Variants in CSMD1 observed in about 807,000 individuals in gnomAD.
The protein encoded by CSMD1 is CUB and Sushi multiple domains 1.
CSMD1 carries 213 observed loss-of-function variants against 417.5 expected under a neutral mutation model. That is an observed-to-expected ratio of 0.51 (90% CI 0.46 to 0.57). CSMD1 has a LOEUF of 0.57. Among genes scored for constraint, CSMD1 ranks in the 20% least tolerant of loss-of-function variants. CSMD1 has a pLI of 0.00. For missense variants in CSMD1, 6,923 were observed against 4,529.7 expected (o/e 1.53, Z -15.17); for synonymous variants, 2,862 against 1,736.8 (o/e 1.65, Z -16.11).
At chr8:4,801,767 G>GAA (rs112413307) in intron 1 of CSMD1, among the ~76,000 whole-genome samples, 4 of 150,190 alleles carry the variant, frequency 2.7e-5, no homozygotes, top group East Asian at 2.0e-4. Flanking sequence ...GAGGCAAAAA[G>GAA]AAAAAAAAAT....
chr8:3,763,202 G>C (rs933862257), intron 5 of CSMD1, among the ~76,000 whole-genome samples: 1 of 152,192 alleles, frequency 6.6e-6, no homozygotes, highest in Admixed American at 6.5e-5. Context: ...ACATCATAAA[G>C]TAGAAATGAC....
intron 5 of CSMD1, among the ~76,000 whole-genome samples, chr8:3,827,974 T>C (rs1459791311): frequency 2.0e-5 from 3 of 152,214 alleles, no homozygotes. Flanking sequence ...CAAATAGCCA[T>C]CTTAACATAA....
intron 1 of CSMD1, among the ~76,000 whole-genome samples, chr8:4,966,183 G>C (rs1252231234): frequency 1.4e-5 from 2 of 141,730 alleles, no homozygotes; most frequent in African/African-American, 5.5e-5. Context: ...GGCTAACATA[G>C]TGGAAGCCCG....
chr8:4,120,820 T>C (rs184282624), intron 3 of CSMD1, among the ~76,000 whole-genome samples: 25 of 152,270 alleles, frequency 1.6e-4, no homozygotes, highest in Non-Finnish European at 2.4e-4. Flanking sequence ...ATGCCAGAAA[T>C]CACAAAACAA....
chr8:4,081,496 T>G (rs1338605089), intron 3 of CSMD1, among the ~76,000 whole-genome samples: 1 of 152,068 alleles, frequency 6.6e-6, no homozygotes, highest in Non-Finnish European at 1.5e-5. Flanking sequence ...ACAGGGAGGC[T>G]CACATGACAA....
intron 8 of CSMD1, among the ~76,000 whole-genome samples, chr8:3,612,657 T>G (rs996583472): frequency 6.6e-6 from 1 of 151,968 alleles, no homozygotes; most frequent in African/African-American, 2.4e-5. Context: ...GGCAACAAAA[T>G]AGAAAACTTT....
At chr8:3,353,761 G>T (rs547414308) in intron 21 of CSMD1, among the ~76,000 whole-genome samples, 17 of 65,732 alleles carry the variant, frequency 2.6e-4, no homozygotes, top group African/African-American at 5.8e-4. Context: ...TAAGATGAAT[G>T]AACACAGTTT....
chr8:4,769,067 A>C (rs1459186060), intron 1 of CSMD1, among the ~76,000 whole-genome samples: 1 of 152,208 alleles, frequency 6.6e-6, no homozygotes, highest in East Asian at 1.9e-4. Flanking sequence ...TGTGTGAGGC[A>C]AACAGTTAAC....
At chr8:3,589,409 C>T (rs950983221) in intron 8 of CSMD1, among the ~76,000 whole-genome samples, 4 of 149,038 alleles carry the variant, frequency 2.7e-5, no homozygotes, top group Non-Finnish European at 2.9e-5. Flanking sequence ...TGTGTGTTCA[C>T]GCGTGTGTGT....
intron 1 of CSMD1, among the ~76,000 whole-genome samples, chr8:4,978,812 C>T (rs374361343): frequency 2.0e-5 from 3 of 152,132 alleles, no homozygotes; most frequent in Non-Finnish European, 4.4e-5. Context: ...GTGGCAGGTG[C>T]CTGTAATCCC....
intron 2 of CSMD1, among the ~76,000 whole-genome samples, chr8:4,623,741 G>A (rs1189932101): frequency 2.6e-5 from 4 of 151,942 alleles, no homozygotes; most frequent in South Asian, 2.1e-4. Context: ...ATGTGTGTGT[G>A]TATATATATA....
At chr8:4,895,637 T>C (rs528351003) in intron 1 of CSMD1, among the ~76,000 whole-genome samples, 8 of 152,162 alleles carry the variant, frequency 5.3e-5, no homozygotes, top group Admixed American at 3.3e-4. Flanking sequence ...TCTGATGTTG[T>C]GGTTGGTCTG....
Position 4,476,065 on chromosome 8 carries a change from A to AT in CSMD1, c.303-56001dup, listed in dbSNP as rs1360685346. On this transcript the variant is annotated intron_variant, in intron 2 of 69. Transcript: ENST00000635120. ...GAAAATTTCTGGTTAAGACAGTGTG[A>AT]TTTTTTCAATTTAATTATATATATT... Among the ~76,000 whole-genome samples, 9 of 152,018 alleles carry AT rather than the reference A, an allele frequency of 5.9e-5. 1 individual carries two copies. The highest frequency in any genetic ancestry group is 9.6e-5 in the African/African-American group (4 of 41,528).
intron 3 of CSMD1, among the ~76,000 whole-genome samples, chr8:4,414,906 G>A (rs926811662): frequency 6.6e-6 from 1 of 152,090 alleles, no homozygotes. Flanking sequence ...AGTGCTCTGG[G>A]AATTCAGAAT....
chr8:2,992,555 C>A (rs1483299419), intron 54 of CSMD1, among the ~76,000 whole-genome samples: 2 of 151,808 alleles, frequency 1.3e-5, no homozygotes, highest in African/African-American at 4.8e-5. Context: ...TTCTGAGTAG[C>A]TGGGATTACA....
In CSMD1 at chr8:4,813,153, G is replaced by GCC. The variant is rs759007080; in HGVS notation, c.86-175597_86-175596dup. 5.9e-5 allele frequency among the ~76,000 whole-genome samples: 9 copies of GCC among 152,238 alleles called. No homozygotes were observed. The East Asian group carries it at 1.2e-3, about 20-fold the overall frequency. On this transcript the variant is annotated intron_variant, in intron 1 of 69. Coordinates refer to ENST00000635120, the MANE Select transcript of CSMD1 (RefSeq NM_033225.6). ...AGCTCTCGCTAAATCCCTGACAAAAGCCTCAGTCACTAATGCATACACTAA... is the reference window on the plus strand; with the variant it reads ...AGCTCTCGCTAAATCCCTGACAAAAGCCCCTCAGTCACTAATGCATACACTAA...
At chr8:4,652,618 C>G (rs189842609) in intron 1 of CSMD1, among the ~76,000 whole-genome samples, 1 of 151,910 alleles carries the variant, frequency 6.6e-6, no homozygotes, top group African/African-American at 2.4e-5. Flanking sequence ...AGCCATTGCA[C>G]CACAGCCTGG....
chr8:4,167,010 A>C (rs1165926563), intron 3 of CSMD1, among the ~76,000 whole-genome samples: 1 of 152,184 alleles, frequency 6.6e-6, no homozygotes, highest in Non-Finnish European at 1.5e-5. Context: ...GTGTTTGTGA[A>C]ATCTTTTTGT....
chr8:4,195,521 T>A (rs188512651), intron 3 of CSMD1, among the ~76,000 whole-genome samples: 1 of 152,202 alleles, frequency 6.6e-6, no homozygotes, highest in Non-Finnish European at 1.5e-5. Context: ...GATCCCCTGC[T>A]CTTGACTGTG....
Sources: gnomAD v4.1 joint callset for allele counts (sites outside exome capture counted in the v4.1 genomes callset) on GRCh38, gnomAD v4.1.1 for gene constraint, MANE v1.5 for transcripts, NCBI Gene and HGNC (gene_info 2026-07-23, HGNC 2026-07-21) for gene names.